Variants in LDLRAP1 observed in about 807,000 individuals in gnomAD.
LDLRAP1 encodes low density lipoprotein receptor adaptor protein 1.
In LDLRAP1, 30 loss-of-function variants were observed where a neutral mutation model predicts 37.8. The ratio of observed to expected loss-of-function variants is 0.79; its 90% confidence interval spans 0.59 to 1.08. The LOEUF (loss-of-function observed/expected upper bound fraction) is 1.08. Among genes scored for constraint, LDLRAP1 ranks in the 50% least tolerant of loss-of-function variants. LDLRAP1 has a pLI of 0.00. For synonymous variants in LDLRAP1, 156 were observed against 169.8 expected (o/e 0.92, Z 0.63); for missense variants, 375 against 401.6 (o/e 0.93, Z 0.57).
At chr1:25,556,582 G>A (rs2044206200) in intron 3 of LDLRAP1, among the ~76,000 whole-genome samples, 1 of 152,212 alleles carries the variant, frequency 6.6e-6, no homozygotes, top group African/African-American at 2.4e-5. Flanking sequence ...GAGGGCAGGT[G>A]GGGTGGGGGA....
intron 1 of LDLRAP1, 124 bp downstream of exon 1, chr1:25,543,910 C>A: frequency 1.9e-6 from 1 of 533,214 alleles, no homozygotes; most frequent in Non-Finnish European, 2.7e-6. Flanking sequence ...CCGGTCCCGG[C>A]GTGGCCCTTT....
At chr1:25,572,617 G>T (rs1477944226), downstream of LDLRAP1, among the ~76,000 whole-genome samples, 1 of 152,182 alleles carries the variant, frequency 6.6e-6, no homozygotes, top group East Asian at 1.9e-4. Flanking sequence ...CACAGGACTT[G>T]CCCGGGACTC....
At position 25,564,016 on chromosome 1, in the gene LDLRAP1, A is replaced by T. The variant is rs2044415907; in HGVS notation, c.747+225A>T. On this transcript the variant is annotated intron_variant, in intron 7 of 8. Transcript: ENST00000374338. The stretch of plus-strand genomic sequence containing the variant: ...TGGCTCCCAGCACAGCTGTCTCCTC[A>T]CAATGCTTGGCCTCTTGGCCTGAGC... The T allele has an allele frequency of 3.4e-5, 21 of 613,186 alleles. No individual in the cohort carries two copies. In the South Asian group the frequency reaches 3.6e-4, roughly 11 times the overall value. The allele number at this position is 613,186 out of a possible 1,614,324, so 38.0% of individuals were successfully genotyped here.
chr1:25,573,798 G>A (rs2044636835), downstream of LDLRAP1, among the ~76,000 whole-genome samples: 1 of 152,160 alleles, frequency 6.6e-6, no homozygotes, highest in Non-Finnish European at 1.5e-5. Context: ...ACACAGGCGG[G>A]GCCTGCTCCT....
At chr1:25,547,508 A>ATAAAT (rs2043964869) in intron 1 of LDLRAP1, among the ~76,000 whole-genome samples, 1 of 151,642 alleles carries the variant, frequency 6.6e-6, no homozygotes, top group Non-Finnish European at 1.5e-5. Flanking sequence ...AAATAAATAA[A>ATAAAT]TAAATAAATA....
At chr1:25,559,899 G>T (rs1031690641) in intron 4 of LDLRAP1, among the ~76,000 whole-genome samples, 22 of 152,348 alleles carry the variant, frequency 1.4e-4, no homozygotes, top group Middle Eastern at 3.4e-3. Context: ...CAAGGCGGTA[G>T]AGAACAGCCC....
chr1:25,545,338 C>T (rs75323356), intron 1 of LDLRAP1, among the ~76,000 whole-genome samples: 2,224 of 152,244 alleles, frequency 0.015, 53 homozygotes, highest in African/African-American at 0.047. Flanking sequence ...AAGAGGTAGC[C>T]GCTTTGGATG....
Position 25,565,202 on chromosome 1 carries a change from T to A in LDLRAP1, c.777T>A (p.Phe259Leu). 1 of 1,614,158 alleles carries A rather than the reference T, an allele frequency of 6.2e-7. No homozygotes were observed. The highest frequency in any genetic ancestry group is 8.5e-7 in the Non-Finnish European group (1 of 1,179,994). Residue 259 changes from phenylalanine to leucine, a missense_variant, in exon 8 of 9, where the codon TTT becomes TTA. Coordinates refer to ENST00000374338, the MANE Select transcript of LDLRAP1 (RefSeq NM_015627.3). ...WELDDGLDEA[F>L]SRLAQSRTNP... ...TGGATGATGGCCTGGATGAAGCGTT[T>A]TCGAGGTAATGCTAGCTTCCTGTGC...
intron 1 of LDLRAP1, 124 bp from the exon 2 acceptor site, chr1:25,553,798 G>A (rs1280208974): frequency 9.6e-6 from 9 of 937,282 alleles, no homozygotes; most frequent in East Asian, 8.0e-5. Flanking sequence ...AAGAGTGGCA[G>A]TAGTGGTGGG....
rs1557708544 is a variant in LDLRAP1 at position 25,562,984 on chromosome 1, C to T, written c.533-86C>T. The stretch of plus-strand genomic sequence containing the variant: ...ACCTGAAACTGCCCCTTGAGGTTGG[C>T]CACCGCTAATCACCCCTGCCCGGTG... On this transcript the variant is annotated intron_variant, in intron 5 of 8. Transcript: ENST00000374338. The T allele has an allele frequency of 3.8e-6, 5 of 1,319,900 alleles. No homozygotes were observed. The East Asian group carries it at 9.2e-5, about 24-fold the overall frequency. The allele number at this position is 1,319,900 out of a possible 1,614,324, so 81.8% of individuals were successfully genotyped here.
Position 25,554,828 on chromosome 1 carries a change from G to A in LDLRAP1, c.232-32G>A. ...TGAGGGTGGGTCTCAAGTGAGGCTG[G>A]CAGACTCCTCTGACTCCTGTCTGCT... On this transcript the variant is annotated intron_variant, in intron 2 of 8. Coordinates refer to ENST00000374338, the MANE Select transcript of LDLRAP1 (RefSeq NM_015627.3). The surrounding 1 kb of genome is among the most constrained non-coding windows in gnomAD (Gnocchi z 5.4). 1.3e-6 allele frequency: 2 copies of A among 1,566,916 alleles called. No homozygotes were observed. The highest frequency in any genetic ancestry group is 1.8e-6 in the Non-Finnish European group (2 of 1,139,420).
chr1:25,583,940 G>C, the LDLRAP1 span, among the ~76,000 whole-genome samples: 20 of 152,192 alleles, frequency 1.3e-4, no homozygotes, highest in East Asian at 3.9e-3. Context: ...TTCAAGTTTC[G>C]TCACGTTGTA....
the LDLRAP1 span, among the ~76,000 whole-genome samples, chr1:25,578,964 G>C: frequency 2.3e-4 from 35 of 152,304 alleles, no homozygotes; most frequent in African/African-American, 8.4e-4. Flanking sequence ...GAGAAACATG[G>C]CTTCTTAAAT....
chr1:25,573,096 G>T (rs552330972), downstream of LDLRAP1, among the ~76,000 whole-genome samples: 19 of 151,934 alleles, frequency 1.3e-4, no homozygotes, highest in African/African-American at 4.1e-4. Context: ...TTTGCGGGGC[G>T]GGGGGAGGTC....
intron 3 of LDLRAP1, among the ~76,000 whole-genome samples, 197 bp from the exon 4 acceptor site, chr1:25,556,956 T>G (rs1270089079): frequency 6.6e-6 from 1 of 152,142 alleles, no homozygotes; most frequent in East Asian, 1.9e-4. Flanking sequence ...ATTCCTTCCT[T>G]CCTGCCTGGC....
At chr1:25,550,420 G>A (rs2044046111) in intron 1 of LDLRAP1, among the ~76,000 whole-genome samples, 1 of 152,202 alleles carries the variant, frequency 6.6e-6, no homozygotes, top group African/African-American at 2.4e-5. Flanking sequence ...GAAGAGGTTG[G>A]ATGTGTGGGG....
chr1:25,578,861 G>A, the LDLRAP1 span, among the ~76,000 whole-genome samples: 1 of 152,212 alleles, frequency 6.6e-6, no homozygotes, highest in Non-Finnish European at 1.5e-5. Flanking sequence ...TCAGGTGAGA[G>A]ACGTGAGGGT....
chr1:25,576,980 G>A, the LDLRAP1 span, among the ~76,000 whole-genome samples: 1 of 152,200 alleles, frequency 6.6e-6, no homozygotes, highest in African/African-American at 2.4e-5. Context: ...AAGAGCAGAG[G>A]AGCTTCTGCC....
chr1:25,582,411 C>T, the LDLRAP1 span, among the ~76,000 whole-genome samples: 2 of 151,916 alleles, frequency 1.3e-5, no homozygotes, highest in Non-Finnish European at 2.9e-5. Flanking sequence ...ACGGTGAAAC[C>T]CCGTCTCTAC....
Sources: allele counts gnomAD v4.1 joint callset (sites outside exome capture counted in the v4.1 genomes callset), GRCh38; gene constraint gnomAD v4.1.1; non-coding constraint Gnocchi (gnomAD v3.1); transcripts MANE v1.5; gene names NCBI Gene and HGNC (gene_info 2026-07-23, HGNC 2026-07-21).